Variants in PSMD14 observed in about 807,000 individuals in gnomAD.
The protein encoded by PSMD14 is proteasome 26S subunit, non-ATPase 14.
PSMD14 carries 7 observed loss-of-function variants against 41.2 expected under a neutral mutation model. That is an observed-to-expected ratio of 0.17 (90% CI 0.10 to 0.32). The LOEUF (loss-of-function observed/expected upper bound fraction) is 0.32. Ranked by LOEUF, PSMD14 falls within the 10% of genes least tolerant of loss-of-function variation. The pLI is 1.00. For missense variants in PSMD14, 139 were observed against 375.6 expected (o/e 0.37, Z 5.21); for synonymous variants, 114 against 122.3 (o/e 0.93, Z 0.45).
At chr2:161,394,656 T>C (rs1328451024) in intron 9 of PSMD14, among the ~76,000 whole-genome samples, 1 of 152,190 alleles carries the variant, frequency 6.6e-6, no homozygotes, top group Non-Finnish European at 1.5e-5. Flanking sequence ...GATTTCCCTT[T>C]AGTGGGAGAG....
intron 8 of PSMD14, among the ~76,000 whole-genome samples, chr2:161,389,889 G>GTTGTTTTTTTTTTTTGTTTTTTT: frequency 5.0e-5 from 1 of 20,036 alleles, no homozygotes; most frequent in Admixed American, 6.9e-4. Context: ...CTTTTTTGTT[G>GTTGTTTTTTTTTTTTGTTTTTTT]TTTTTTTTTT....
chr2:161,363,416 C>T (rs1683318281), intron 3 of PSMD14, among the ~76,000 whole-genome samples: 1 of 152,032 alleles, frequency 6.6e-6, no homozygotes, highest in Admixed American at 6.6e-5. Flanking sequence ...AATACTTTTA[C>T]CCTTGTTTCT....
chr2:161,389,889 G>GTTTTTTTTT (rs1162637393), intron 8 of PSMD14, among the ~76,000 whole-genome samples: 7 of 20,044 alleles, frequency 3.5e-4, no homozygotes, highest in South Asian at 2.6e-3. Flanking sequence ...CTTTTTTGTT[G>GTTTTTTTTT]TTTTTTTTTT....
chr2:161,330,230 T>G (rs1191940884), intron 3 of PSMD14, among the ~76,000 whole-genome samples: 1 of 152,204 alleles, frequency 6.6e-6, no homozygotes, highest in Non-Finnish European at 1.5e-5. Flanking sequence ...AATGAAATGT[T>G]TAAAGTTTTA....
chr2:161,311,008 GA>G (rs1301359154), intron 1 of PSMD14, among the ~76,000 whole-genome samples: 1 of 152,066 alleles, frequency 6.6e-6, no homozygotes, highest in Non-Finnish European at 1.5e-5. Context: ...AAAATATTTG[GA>G]AAAAAGTTGC....
chr2:161,332,822 A>C (rs1274053387), intron 3 of PSMD14, among the ~76,000 whole-genome samples: 3 of 152,220 alleles, frequency 2.0e-5, no homozygotes, highest in Non-Finnish European at 4.4e-5. Flanking sequence ...GAGTGCTAAC[A>C]GCTTCTTTCA....
chr2:161,381,061 T>C, intron 7 of PSMD14, among the ~76,000 whole-genome samples: 1 of 152,060 alleles, frequency 6.6e-6, no homozygotes, highest in South Asian at 2.1e-4. Context: ...TAGTGATGGT[T>C]TTATGTTTTA....
At chr2:161,405,242 G>A (rs1483629621) in intron 10 of PSMD14, among the ~76,000 whole-genome samples, 1 of 152,098 alleles carries the variant, frequency 6.6e-6, no homozygotes, top group African/African-American at 2.4e-5. Context: ...AGTATCACAT[G>A]ATGTGTTCCT....
At chr2:161,341,876 ATG>A (rs200572979) in intron 3 of PSMD14, among the ~76,000 whole-genome samples, 10,314 of 135,886 alleles carry the variant, frequency 0.076, 472 homozygotes, top group East Asian at 0.2. Context: ...AAAAATATAT[ATG>A]TATATATAAA....
At chr2:161,367,111 ATT>A in intron 3 of PSMD14, among the ~76,000 whole-genome samples, 1 of 152,272 alleles carries the variant, frequency 6.6e-6, no homozygotes, top group Middle Eastern at 3.4e-3. Flanking sequence ...TACTCAAAGA[ATT>A]TGCTGTTTGT....
chr2:161,352,572 C>A (rs1269907416), intron 3 of PSMD14, among the ~76,000 whole-genome samples: 5 of 152,200 alleles, frequency 3.3e-5, no homozygotes, highest in Non-Finnish European at 7.3e-5. Context: ...AGGACCACAT[C>A]TAACTGGTTT....
At chr2:161,384,418 T>G (rs1250092056) in intron 7 of PSMD14, 1 of 151,728 alleles carries the variant, frequency 6.6e-6, no homozygotes, top group Non-Finnish European at 1.5e-5. Context: ...TTGGTTGGCT[T>G]AACTATTTTT....
chr2:161,321,590 C>T (rs537435426), intron 3 of PSMD14, among the ~76,000 whole-genome samples: 1 of 152,316 alleles, frequency 6.6e-6, no homozygotes, highest in South Asian at 2.1e-4. Context: ...GCCAGCTATA[C>T]TTCATGTGTC....
intron 10 of PSMD14, among the ~76,000 whole-genome samples, chr2:161,398,408 A>C (rs1683830857): frequency 6.6e-6 from 1 of 152,094 alleles, no homozygotes; most frequent in South Asian, 2.1e-4. Context: ...TTCAGTTTCA[A>C]GTCTGAATTC....
At chr2:161,338,938 G>A (rs757123015) in intron 3 of PSMD14, among the ~76,000 whole-genome samples, 1 of 152,066 alleles carries the variant, frequency 6.6e-6, no homozygotes, top group East Asian at 1.9e-4. Flanking sequence ...TTTCATTACT[G>A]TAATTGTTTT....
intron 3 of PSMD14, among the ~76,000 whole-genome samples, chr2:161,364,349 G>A (rs1225771402): frequency 6.6e-6 from 1 of 152,118 alleles, no homozygotes; most frequent in African/African-American, 2.4e-5. Flanking sequence ...GCTAGGGTCT[G>A]GGAGTTTTAA....
At chr2:161,388,993 A>T (rs1479318643) in intron 8 of PSMD14, among the ~76,000 whole-genome samples, 1 of 152,130 alleles carries the variant, frequency 6.6e-6, no homozygotes, top group East Asian at 1.9e-4. Context: ...CTACTTGAGG[A>T]TATCATTTGA....
At chr2:161,398,930 C>A (rs1327191102) in intron 10 of PSMD14, among the ~76,000 whole-genome samples, 1 of 151,904 alleles carries the variant, frequency 6.6e-6, no homozygotes, top group Non-Finnish European at 1.5e-5. Flanking sequence ...AATGTGTTTG[C>A]AATCAAACAT....
intron 7 of PSMD14, among the ~76,000 whole-genome samples, chr2:161,374,787 T>C: frequency 6.6e-6 from 1 of 151,980 alleles, no homozygotes; most frequent in East Asian, 1.9e-4. Context: ...ACTTCTTTCT[T>C]GAGGCAAAAA....
Sources: gnomAD v4.1 joint callset for allele counts (sites outside exome capture counted in the v4.1 genomes callset) on GRCh38, gnomAD v4.1.1 for gene constraint, MANE v1.5 for transcripts, NCBI Gene and HGNC (gene_info 2026-07-23, HGNC 2026-07-21) for gene names.